The following ELF2 variants were observed in gnomAD, a reference collection of about 807,000 sequenced individuals.
ELF2 encodes the protein E74 like ETS transcription factor 2, also known as ETS-related transcription factor Elf-2.
In ELF2, 11 loss-of-function variants were observed where a neutral mutation model predicts 54.8. That is an observed-to-expected ratio of 0.20 (90% CI 0.13 to 0.33). ELF2 has a LOEUF of 0.33. ELF2 is among the 10% of genes least tolerant of loss of function. The pLI is 1.00. For synonymous variants in ELF2, 203 were observed against 245.1 expected, an observed-to-expected ratio of 0.83 and a Z score of 1.61; for missense variants, 513 against 703.0, an observed-to-expected ratio of 0.73 and a Z score of 3.06.
chr4:139,151,035 AGAAAGAAAG>A lies in ELF2; in HGVS notation c.-251-11547_-251-11539del, dbSNP rs1257462858. 2.4e-4 allele frequency among the ~76,000 whole-genome samples: 10 copies of A among 42,524 alleles called. 1 individual carries two copies. The highest frequency in any genetic ancestry group is 1.0e-3 in the Admixed American group (3 of 2,928). 27.9% of individuals were successfully genotyped at this position (42,524 alleles called of 152,430 possible). A position where few individuals can be genotyped will look rare whatever the true frequency, so the allele number is the denominator to read the frequency against. On this transcript the variant is annotated intron_variant, in intron 1 of 9. Transcript: ENST00000686138. ...CGAGGCTCCATCTCAAAAAAAAAAA[AGAAAGAAAG>A]AAAGAAAGAAAGAAAGAAAGAAAGA...
At chr4:139,119,289 T>C (rs748801826) in intron 4 of ELF2, among the ~76,000 whole-genome samples, 7 of 152,254 alleles carry the variant, frequency 4.6e-5, no homozygotes, top group Non-Finnish European at 8.8e-5. Flanking sequence ...AGTTTCTCCC[T>C]GACCTTTCTT....
At chr4:139,070,967 G>A (rs1268601086) in intron 6 of ELF2, among the ~76,000 whole-genome samples, 2 of 152,178 alleles carry the variant, frequency 1.3e-5, no homozygotes, top group Non-Finnish European at 2.9e-5. Context: ...GAGAAGAAAG[G>A]AGAATTAGAT....
chr4:139,069,511 T>C (rs2148686360), intron 6 of ELF2, among the ~76,000 whole-genome samples: 1 of 152,310 alleles, frequency 6.6e-6, no homozygotes. Flanking sequence ...CCCAACTTAG[T>C]AGAAAAGTTA....
chr4:139,129,638 T>G (rs965401039), intron 3 of ELF2, among the ~76,000 whole-genome samples: 1 of 152,216 alleles, frequency 6.6e-6, no homozygotes, highest in African/African-American at 2.4e-5. Flanking sequence ...TCCTTTAAAG[T>G]CCCATGACTT....
chr4:139,074,015 C>T (rs1405610227), intron 4 of ELF2, among the ~76,000 whole-genome samples: 1 of 152,146 alleles, frequency 6.6e-6, no homozygotes, highest in African/African-American at 2.4e-5. Flanking sequence ...GTAATCCCAG[C>T]TACTCAAGAG....
intron 4 of ELF2, among the ~76,000 whole-genome samples, chr4:139,075,621 G>A (rs1188419400): frequency 1.3e-5 from 2 of 152,084 alleles, no homozygotes; most frequent in Non-Finnish European, 2.9e-5. Context: ...TAGAGACGGG[G>A]TTTCACCATG....
intron 1 of ELF2, among the ~76,000 whole-genome samples, chr4:139,160,390 T>C (rs1741012836): frequency 6.6e-6 from 1 of 152,156 alleles, no homozygotes. Flanking sequence ...AAGTGAATAA[T>C]AATAATAGAA....
rs1727452555 is a variant in ELF2, at chr4:139,059,215, G to A, written c.1550C>T (p.Ala517Val). Reference protein sequence around the residue: ...VMRLSMPTQQASGQTPPRVIS... With the variant: ...VMRLSMPTQQVSGQTPPRVIS... ...AACTCGAGGAGGAGTCTGGCCAGATGCCTGCTGAGTAGGCATTGATAGTCT... is the reference window on the plus strand; with the variant it reads ...AACTCGAGGAGGAGTCTGGCCAGATACCTGCTGAGTAGGCATTGATAGTCT... Residue 517 changes from alanine (A) to valine (V), a missense_variant, in exon 10 of 10, where the codon GCA (alanine) becomes GTA (valine). This residue lies in a region of ELF2 where 291 missense variants were observed against 366.1 expected (regional missense o/e 0.79). Coordinates refer to ENST00000686138, the MANE Select transcript of ELF2 (RefSeq NM_001331036.3). 1.2e-6 allele frequency: 2 copies of A among 1,613,824 alleles called. No individual in the cohort carries two copies. The highest frequency in any genetic ancestry group is 1.3e-5 in the African/African-American group (1 of 74,920).
chr4:139,082,616 T>C (rs1411634647), intron 4 of ELF2, among the ~76,000 whole-genome samples: 3 of 152,234 alleles, frequency 2.0e-5, no homozygotes, highest in Non-Finnish European at 4.4e-5. Context: ...CATGTGTTCA[T>C]GATTTCCCCC....
chr4:139,115,200 G>A (rs1379276397), intron 4 of ELF2: 1 of 1,611,574 alleles, frequency 6.2e-7, no homozygotes, highest in Non-Finnish European at 8.5e-7. Context: ...GGTCATACTT[G>A]ACGGTGACCT....
rs375862218 is a variant in ELF2, at chr4:139,148,632, G to A, written c.-251-9135C>T. Reference sequence around the variant, plus strand: ...TATCACATTTCTCTATTCATCCACCGATGCACATTTGAGATGTTTCTACTT... The same window carrying A: ...TATCACATTTCTCTATTCATCCACCAATGCACATTTGAGATGTTTCTACTT... On this transcript the variant is annotated intron_variant, in intron 1 of 9. Transcript: ENST00000686138. Among the ~76,000 whole-genome samples the A allele has an allele frequency of 1.9e-4, 29 of 151,222 alleles. No individual in the cohort carries two copies. The East Asian group carries it at 2.5e-3, about 13-fold the overall frequency.
intron 4 of ELF2, among the ~76,000 whole-genome samples, chr4:139,088,278 T>G (rs1325923099): frequency 1.0e-5 from 1 of 98,316 alleles, no homozygotes; most frequent in Non-Finnish European, 1.9e-5. Context: ...AGAACAAGAC[T>G]CTGTCTAAAA....
chr4:139,162,325 A>C (rs1425258314), intron 1 of ELF2, among the ~76,000 whole-genome samples: 4 of 152,134 alleles, frequency 2.6e-5, no homozygotes, highest in Non-Finnish European at 5.9e-5. Flanking sequence ...AAGACCAGCC[A>C]GTTTGAGACC....
intron 3 of ELF2, among the ~76,000 whole-genome samples, chr4:139,128,276 TAA>T (rs35220976): frequency 3.3e-4 from 50 of 149,876 alleles, no homozygotes; most frequent in African/African-American, 9.8e-4. Flanking sequence ...TCTCAAAAAT[TAA>T]AAAAAAAAAG....
intron 4 of ELF2, among the ~76,000 whole-genome samples, chr4:139,092,352 C>A (rs1206721305): frequency 6.6e-6 from 1 of 150,534 alleles, no homozygotes; most frequent in Non-Finnish European, 1.5e-5. Flanking sequence ...CAGAGTGACA[C>A]TCCATCTCAG....
intron 1 of ELF2, among the ~76,000 whole-genome samples, chr4:139,139,762 T>G (rs1738523769): frequency 6.6e-6 from 1 of 152,168 alleles, no homozygotes; most frequent in African/African-American, 2.4e-5. Flanking sequence ...CTATGCTCCA[T>G]ATTATGGGCT....
chr4:139,099,690 C>A (rs1733673034), intron 4 of ELF2, among the ~76,000 whole-genome samples: 1 of 152,200 alleles, frequency 6.6e-6, no homozygotes, highest in Admixed American at 6.5e-5. Flanking sequence ...CAGGCCATTT[C>A]ATTAACCTCA....
At chr4:139,115,958 CA>C (rs1735665394) in intron 4 of ELF2, among the ~76,000 whole-genome samples, 1 of 152,210 alleles carries the variant, frequency 6.6e-6, no homozygotes, top group Non-Finnish European at 1.5e-5. Context: ...TCTCTTGCCT[CA>C]GCCTCCCCAG....
intron 1 of ELF2, among the ~76,000 whole-genome samples, chr4:139,141,814 C>T (rs1419864278): frequency 6.6e-6 from 1 of 152,176 alleles, no homozygotes; most frequent in East Asian, 1.9e-4. Context: ...AGATTCTTTA[C>T]ACTCTTTCTA....
Sources: allele counts gnomAD v4.1 joint callset (sites outside exome capture counted in the v4.1 genomes callset), GRCh38; gene constraint gnomAD v4.1.1; regional missense constraint gnomAD v4.1.1; transcripts MANE v1.5; gene names NCBI Gene and HGNC (gene_info 2026-07-23, HGNC 2026-07-21).